ANXA9: variants seen among roughly 807,000 people sequenced by gnomAD.
ANXA9 encodes the protein annexin A9, also known as annexin 31.
ANXA9 carries 47 observed loss-of-function variants against 51.8 expected under a neutral mutation model. The ratio of observed to expected loss-of-function variants is 0.91; its 90% confidence interval spans 0.72 to 1.16. The LOEUF (loss-of-function observed/expected upper bound fraction) is 1.16, where lower values mean the gene tolerates loss of function less well. ANXA9 is among the 50% of genes most tolerant of loss of function. ANXA9 has a pLI of 0.00. For missense variants in ANXA9, 361 were observed against 424.7 expected, an observed-to-expected ratio of 0.85 and a Z score of 1.32; for synonymous variants, 154 against 168.7, an observed-to-expected ratio of 0.91 and a Z score of 0.68.
upstream of ANXA9, among the ~76,000 whole-genome samples, chr1:150,980,572 C>CTTTTTT (rs869295630): frequency 1.9e-4 from 17 of 89,072 alleles, no homozygotes; most frequent in Non-Finnish European, 2.5e-4. Flanking sequence ...ACACAGATTA[C>CTTTTTT]TTTTTTTTTT....
rs1400306373 is a variant in ANXA9, at chr1:150,988,145, A to G, written c.752A>G (p.Asn251Ser). ...CAAGAGCTGGAGGAGGCTGTCCAGA[A>G]CCGTTTCCATGGAGATGCTCAGGTG... Reference protein sequence around the residue: ...TGQELEEAVQNRFHGDAQVAL... With the variant: ...TGQELEEAVQSRFHGDAQVAL... The change falls in exon 11 of 14, where the codon AAC becomes AGC. Residue 251 changes from asparagine to serine, a missense_variant. By Grantham distance (46) the Asn-to-Ser change is conservative (BLOSUM62 1). Transcript: ENST00000368947. 1.9e-6 allele frequency: 3 copies of G among 1,613,782 alleles called. No individual in the cohort carries two copies. Among genetic ancestry groups the G allele is most frequent in the Admixed American group, 1.7e-5 (1 of 60,000 alleles).
Position 150,984,584 on chromosome 1 carries a change from AG to A in ANXA9, c.382del, listed in dbSNP as rs775501751. ...TGAGAGTAGACTCCCAATTTCTTGT[AG>A]GCCTCAGATTCTGCTGTGGACGTGG... On this transcript the variant is annotated splice_acceptor_variant, in intron 6 of 13. Transcript: ENST00000368947. LOFTEE classifies it high-confidence loss of function. 12 of 1,613,658 alleles carry A rather than the reference AG, an allele frequency of 7.4e-6. No individual in the cohort carries two copies.
At position 150,987,881 on chromosome 1, in the gene ANXA9, C is replaced by T. The variant is rs780092406; in HGVS notation, c.622C>T (p.Arg208Trp). The change falls in exon 10 of 14, where the codon CGG (arginine) becomes TGG (tryptophan). Residue 208 changes from arginine (R) to tryptophan (W), a missense_variant. By Grantham distance (101) the Arg-to-Trp change is moderately radical. Transcript: ENST00000368947. Reference sequence around the variant, plus strand: ...CATTCCTCCCTCCTAGGCACTGCAGCGGGCAGAAGGACCTAGCAGAGAGGA... The same window carrying T: ...CATTCCTCCCTCCTAGGCACTGCAGTGGGCAGAAGGACCTAGCAGAGAGGA... ...LAEQDVQALQ[R>W]AEGPSREETW... is the part of the protein sequence containing the mutation. 1.9e-5 allele frequency: 31 copies of T among 1,613,846 alleles called. No homozygotes were observed. Among genetic ancestry groups the T allele is most frequent in the Middle Eastern group, 1.6e-4 (1 of 6,084 alleles).
intron 12 of ANXA9, 130 bp downstream of exon 12, chr1:150,988,471 A>G (rs1261625972): frequency 8.0e-6 from 9 of 1,131,448 alleles, no homozygotes; most frequent in Admixed American, 2.1e-5. Context: ...CCCAGGGCTT[A>G]CACACCAGGG....
At chr1:150,984,460 A>C in intron 6 of ANXA9, 66 bp downstream of exon 6, 1 of 1,568,358 alleles carries the variant, frequency 6.4e-7, no homozygotes, top group Non-Finnish European at 8.8e-7. Context: ...TTGCTTTTGC[A>C]AGACGAGAGT....
chr1:150,980,111 T>C (rs1397879822), upstream of ANXA9, among the ~76,000 whole-genome samples: 1 of 152,056 alleles, frequency 6.6e-6, no homozygotes, highest in East Asian at 1.9e-4. Flanking sequence ...AAACAAAAAA[T>C]AATAATTACA....
At chr1:150,994,365 G>A (rs1671780768) in intron 12 of ANXA9, among the ~76,000 whole-genome samples, 1 of 152,078 alleles carries the variant, frequency 6.6e-6, no homozygotes, top group Non-Finnish European at 1.5e-5. Flanking sequence ...AAATACTCAA[G>A]CTGCCCCCAC....
At chr1:150,987,777 G>C (rs1169529084) in intron 9 of ANXA9, 95 bp from the exon 10 acceptor site, 4 of 939,360 alleles carry the variant, frequency 4.3e-6, no homozygotes, top group Non-Finnish European at 6.5e-6. Context: ...TTTCCATCAT[G>C]ATGATGATAG....
At chr1:150,977,630 G>A (rs1671359463), upstream of ANXA9, among the ~76,000 whole-genome samples, 1 of 152,242 alleles carries the variant, frequency 6.6e-6, no homozygotes. Context: ...CAAGCATACA[G>A]GGAGCCCAAA....
Position 150,983,403 on chromosome 1 carries a change from G to T in ANXA9, c.141G>T (p.Ala47=), listed in dbSNP as rs1180850277. Residue 47 remains alanine (A), a synonymous_variant, in exon 4 of 14, where the codon GCG becomes GCT. Coordinates refer to ENST00000368947, the MANE Select transcript of ANXA9 (RefSeq NM_003568.3). The part of the protein sequence containing the change: ...TFLNFSVDKD[A]QRLLRAITGQ... Reference sequence around the variant, plus strand: ...TGAACTTCAGCGTGGACAAGGATGCGCAGAGGCTACTGAGGGCCATTACTG... The same window carrying T: ...TGAACTTCAGCGTGGACAAGGATGCTCAGAGGCTACTGAGGGCCATTACTG... 1.2e-6 allele frequency: 2 copies of T among 1,613,526 alleles called. No individual in the cohort carries two copies. The highest frequency in any genetic ancestry group is 1.7e-6 in the Non-Finnish European group (2 of 1,179,738).
chr1:150,987,807 A>G, intron 9 of ANXA9, 65 bp from the exon 10 acceptor site: 1 of 1,346,336 alleles, frequency 7.4e-7, no homozygotes, highest in Non-Finnish European at 1.0e-6. Context: ...CGTCATACCC[A>G]TGGCTCCCTA....
chr1:150,982,193 A>T (rs1671426282), upstream of ANXA9: 1 of 152,400 alleles, frequency 6.6e-6, no homozygotes, highest in Admixed American at 6.5e-5. Flanking sequence ...GTCCTCTCCC[A>T]CGTCTGGGAG....
intron 12 of ANXA9, among the ~76,000 whole-genome samples, chr1:150,991,582 G>A (rs1208296953): frequency 3.6e-5 from 5 of 140,842 alleles, no homozygotes; most frequent in Non-Finnish European, 4.6e-5. Context: ...TCACTCTGTC[G>A]CTAGGCTGGA....
intron 6 of ANXA9, 58 bp from the exon 7 acceptor site, chr1:150,984,519 GTCTGCCCCT>G: frequency 6.5e-7 from 1 of 1,536,146 alleles, no homozygotes; most frequent in Non-Finnish European, 9.0e-7. Flanking sequence ...AGCAGCCAGC[GTCTGCCCCT>G]CTGTCTGCCA....
chr1:150,988,353 A>T lies in ANXA9; in HGVS notation c.852+12A>T. 6.2e-7 allele frequency: 1 copy of T among 1,613,362 alleles called. No individual in the cohort carries two copies. The highest frequency in any genetic ancestry group is 8.5e-7 in the Non-Finnish European group (1 of 1,179,796). Reference sequence around the variant, plus strand: ...ATCAAGCCCTCCAGGTGAGAGGGGCACTCCTTTCCCTCCCCAGAACAGAAA... The same window carrying T: ...ATCAAGCCCTCCAGGTGAGAGGGGCTCTCCTTTCCCTCCCCAGAACAGAAA... On this transcript the variant is annotated intron_variant, in intron 12 of 13. Coordinates refer to ENST00000368947, the MANE Select transcript of ANXA9 (RefSeq NM_003568.3).
At chr1:150,986,531 C>A in intron 8 of ANXA9, 71 bp from the exon 9 acceptor site, 1 of 1,584,234 alleles carries the variant, frequency 6.3e-7, no homozygotes, top group South Asian at 1.1e-5. Context: ...GGGAGACCAG[C>A]CTTCGCTTGT....
Position 150,984,645 on chromosome 1 carries a change from G to C in ANXA9, c.441G>C (p.Gln147His). 6.2e-7 allele frequency: 1 copy of C among 1,614,072 alleles called. No individual in the cohort carries two copies. Among genetic ancestry groups the C allele is most frequent in the East Asian group, 2.2e-5 (1 of 44,886 alleles). The change falls in exon 7 of 14, where the codon CAG becomes CAC. Residue 147 changes from glutamine (Q) to histidine (H), a missense_variant. Gln to His is a conservative substitution (Grantham distance 24, BLOSUM62 0). Transcript: ENST00000368947. ...TTCTTGCCACTCGAACCCCACCCCAGCTGCAGGAGTGCCTGGCAGTCTACA... is the reference window on the plus strand; with the variant it reads ...TTCTTGCCACTCGAACCCCACCCCACCTGCAGGAGTGCCTGGCAGTCTACA... ...IEILATRTPP[Q>H]LQECLAVYKH...
At chr1:150,978,908 G>A (rs969764837), upstream of ANXA9, among the ~76,000 whole-genome samples, 12 of 152,010 alleles carry the variant, frequency 7.9e-5, no homozygotes, top group African/African-American at 2.9e-4. Context: ...AGGTTGCAAT[G>A]AGCCGAGATC....
chr1:150,994,075 C>G (rs1357940360), intron 12 of ANXA9, among the ~76,000 whole-genome samples: 3 of 152,078 alleles, frequency 2.0e-5, no homozygotes, highest in Admixed American at 2.0e-4. Flanking sequence ...GTGAGATGGC[C>G]CTATTGGGTT....
Sources: allele counts gnomAD v4.1 joint callset (sites outside exome capture counted in the v4.1 genomes callset), GRCh38; gene constraint gnomAD v4.1.1; transcripts MANE v1.5; gene names NCBI Gene and HGNC (gene_info 2026-07-23, HGNC 2026-07-21).